Variants in SPOPL observed in about 807,000 individuals in gnomAD.
SPOPL encodes speckle type BTB/POZ protein like, also known as speckle-type POZ protein-like.
A neutral mutation model predicts 53.8 loss-of-function variants in SPOPL; 23 were observed. That is an observed-to-expected ratio of 0.43 (90% CI 0.31 to 0.61). The LOEUF is 0.61. Ranked by LOEUF, SPOPL falls within the 20% of genes least tolerant of loss-of-function variation. The pLI is 0.12. For synonymous variants in SPOPL, 164 were observed against 149.7 expected, an observed-to-expected ratio of 1.10 and a Z score of -0.70; for missense variants, 442 against 466.9, an observed-to-expected ratio of 0.95 and a Z score of 0.49.
At chr2:138,565,378 G>T (rs1052744982) in intron 10 of SPOPL, among the ~76,000 whole-genome samples, 2 of 152,188 alleles carry the variant, frequency 1.3e-5, no homozygotes, top group South Asian at 4.1e-4. Context: ...TTTGAAGGCT[G>T]ACTCACTGCT....
chr2:138,551,336 G>A (rs186050246), intron 4 of SPOPL, among the ~76,000 whole-genome samples: 1 of 152,138 alleles, frequency 6.6e-6, no homozygotes, highest in East Asian at 1.9e-4. Flanking sequence ...AGGGCAAGGT[G>A]CCTGGTTCAG....
At chr2:138,554,066 C>CTTT (rs70978299) in intron 5 of SPOPL, among the ~76,000 whole-genome samples, 6 of 126,640 alleles carry the variant, frequency 4.7e-5, no homozygotes, top group African/African-American at 1.8e-4. Flanking sequence ...TAGAAAATAC[C>CTTT]TTTTTTTTTT....
rs780225458 is a variant in SPOPL at position 138,559,362 on chromosome 2, T to C, written c.714+25T>C. ...GGTAAACATGGCTTAAAGGCTAATA[T>C]TGAATTTATATAAACGTAAAGTAGT... On this transcript the variant is annotated intron_variant, in intron 7 of 10. Coordinates refer to ENST00000280098, the MANE Select transcript of SPOPL (RefSeq NM_001001664.3). The C allele has an allele frequency of 2.3e-5, 36 of 1,589,672 alleles. No individual in the cohort carries two copies. In the Middle Eastern group the frequency reaches 3.0e-3, roughly 133 times the overall value.
Position 138,564,981 on chromosome 2 carries a change from A to G in SPOPL, c.1022A>G (p.Asn341Ser). 1 of 1,614,066 alleles carries G rather than the reference A, an allele frequency of 6.2e-7. No homozygotes were observed. Among genetic ancestry groups the G allele is most frequent in the Non-Finnish European group, 8.5e-7 (1 of 1,180,010 alleles). The change falls in exon 10 of 11, where the codon AAC becomes AGC. Residue 341 changes from asparagine to serine, a missense_variant. Physicochemically the swap from Asn to Ser is conservative, Grantham distance 46. Transcript: ENST00000280098. ...LRQLGCKDGK[N>S]WNSNQATDIM... The stretch of plus-strand genomic sequence containing the variant: ...CAACTTGGGTGTAAAGATGGGAAAA[A>G]CTGGAACAGCAAGTAAGATGACATC...
chr2:138,545,715 A>T (rs556864673), intron 1 of SPOPL, among the ~76,000 whole-genome samples: 103 of 152,238 alleles, frequency 6.8e-4, no homozygotes, highest in Admixed American at 2.4e-3. Flanking sequence ...CTGGGATTAC[A>T]GGCGTGAGCC....
rs945524424 is a variant in SPOPL, at chr2:138,560,721, T to A, written c.715-84T>A. The A allele has an allele frequency of 7.0e-6, 10 of 1,435,770 alleles. No homozygotes were observed. In the African/African-American group the frequency reaches 1.4e-4, roughly 21 times the overall value. The allele number at this position is 1,435,770 out of a possible 1,614,324, so 88.9% of individuals were successfully genotyped here. ...TATTTTAGTGTAGATTTAGGGCTTTTAAATTACTGTCAAAGATTCACTTTG... is the reference window on the plus strand; with the variant it reads ...TATTTTAGTGTAGATTTAGGGCTTTAAAATTACTGTCAAAGATTCACTTTG... On this transcript the variant is annotated intron_variant, in intron 7 of 10. Coordinates refer to ENST00000280098, the MANE Select transcript of SPOPL (RefSeq NM_001001664.3).
At position 138,531,966 on chromosome 2, in the gene SPOPL, A is replaced by G. The variant is rs77225926; in HGVS notation, c.-60-18191A>G. Reference sequence around the variant, plus strand: ...TGTGGGAGCTGATAACTTTTATCCAATCAGGGACTAAAGTGAATCAAGACT... The same window carrying G: ...TGTGGGAGCTGATAACTTTTATCCAGTCAGGGACTAAAGTGAATCAAGACT... On this transcript the variant is annotated intron_variant, in intron 1 of 10. Coordinates refer to ENST00000280098, the MANE Select transcript of SPOPL (RefSeq NM_001001664.3). Among the ~76,000 whole-genome samples the G allele has an allele frequency of 3.8e-3, 584 of 152,282 alleles. 2 individuals are homozygous for G. The highest frequency in any genetic ancestry group is 0.013 in the African/African-American group (548 of 41,562).
chr2:138,540,476 G>A (rs1046062855), intron 1 of SPOPL, among the ~76,000 whole-genome samples: 1 of 152,068 alleles, frequency 6.6e-6, no homozygotes, highest in African/African-American at 2.4e-5. Context: ...CTTGTAAGTT[G>A]GATTCCTAGG....
intron 1 of SPOPL, among the ~76,000 whole-genome samples, chr2:138,523,923 G>A (rs374043090): frequency 3.9e-5 from 6 of 152,226 alleles, no homozygotes; most frequent in African/African-American, 1.4e-4. Context: ...CTACCATTCT[G>A]GGGTCTGGAG....
At chr2:138,517,254 T>C (rs1410755487) in intron 1 of SPOPL, among the ~76,000 whole-genome samples, 1 of 152,162 alleles carries the variant, frequency 6.6e-6, no homozygotes, top group Non-Finnish European at 1.5e-5. Context: ...TATTCTTGAT[T>C]TTTAGAGGTT....
chr2:138,507,753 T>TA (rs1341249529), intron 1 of SPOPL, among the ~76,000 whole-genome samples: 1 of 152,262 alleles, frequency 6.6e-6, no homozygotes, highest in Non-Finnish European at 1.5e-5. Flanking sequence ...TTAATATCCT[T>TA]ACCACCCATA....
rs964941806 is a variant in SPOPL at position 138,555,169 on chromosome 2, T to C, written c.480+2488T>C. ...GTGTGTGTGTGTGTGTGTGTGTGTG[T>C]GCGAGCCAGACTCGCTTTAATAAAC... is the stretch of plus-strand genomic sequence containing the variant. On this transcript the variant is annotated intron_variant, in intron 5 of 10. Coordinates refer to ENST00000280098, the MANE Select transcript of SPOPL (RefSeq NM_001001664.3). 5.8e-3 allele frequency among the ~76,000 whole-genome samples: 833 copies of C among 143,300 alleles called. 9 individuals carry two copies. Among genetic ancestry groups the C allele is most frequent in the African/African-American group, 0.021 (752 of 36,224 alleles). 94.0% of individuals were successfully genotyped at this position (143,300 alleles called of 152,430 possible).
chr2:138,541,880 A>G (rs1010702461), intron 1 of SPOPL, among the ~76,000 whole-genome samples: 5 of 152,142 alleles, frequency 3.3e-5, no homozygotes, highest in Admixed American at 6.5e-5. Context: ...ATTTAGTGCT[A>G]TAAGTTTCCC....
At position 138,569,305 on chromosome 2, in the gene SPOPL, A is replaced by T. The variant is rs574133434; in HGVS notation, c.*225A>T. Reference sequence around the variant, plus strand: ...TCAAGGCCTTAAATTATCTTCAATGACTTGTCTTGTTCATATAATACTTTA... The same window carrying T: ...TCAAGGCCTTAAATTATCTTCAATGTCTTGTCTTGTTCATATAATACTTTA... On this transcript the variant is annotated 3_prime_UTR_variant, in exon 11 of 11. Transcript: ENST00000280098. 2.1e-6 allele frequency: 1 copy of T among 481,224 alleles called. No homozygotes were observed. Among genetic ancestry groups the T allele is most frequent in the Non-Finnish European group, 3.6e-6 (1 of 273,986 alleles). 29.8% of individuals were successfully genotyped at this position (481,224 alleles called of 1,614,324 possible). A position where few individuals can be genotyped will look rare whatever the true frequency, so the allele number is the denominator to read the frequency against.
In SPOPL at chr2:138,561,009, A is replaced by G. The variant is rs1685534426; in HGVS notation, c.837+82A>G. ...AAGCTGTCATCAAATGAAAACTCCA[A>G]ATAACTCGTATTTTGTAGATGGCTC... On this transcript the variant is annotated intron_variant, in intron 8 of 10. Transcript: ENST00000280098. The G allele has an allele frequency of 2.0e-6, 3 of 1,503,736 alleles. No individual in the cohort carries two copies. In the African/African-American group the frequency reaches 4.3e-5, roughly 22 times the overall value. 93.1% of individuals were successfully genotyped at this position (1,503,736 alleles called of 1,614,324 possible).
At chr2:138,559,243 C>A in intron 6 of SPOPL, 39 bp from the exon 7 acceptor site, 2 of 1,609,980 alleles carry the variant, frequency 1.2e-6, no homozygotes, top group South Asian at 1.1e-5. Flanking sequence ...TAAAAAAATG[C>A]ATTTATGCAT....
Position 138,569,779 on chromosome 2 carries a change from G to A in SPOPL, c.*699G>A, listed in dbSNP as rs1685742873. ...GAACTGATTGAGGTTAAGATTTCAT[G>A]AAGAAAGCATGTATTGTGTGGAAGT... On this transcript the variant is annotated 3_prime_UTR_variant, in exon 11 of 11. Transcript: ENST00000280098. The A allele has an allele frequency of 1.3e-5, 2 of 152,568 alleles. No individual in the cohort carries two copies. Among genetic ancestry groups the A allele is most frequent in the African/African-American group, 2.4e-5 (1 of 41,448 alleles). 9.5% of individuals were successfully genotyped at this position (152,568 alleles called of 1,614,324 possible).
chr2:138,519,546 G>A (rs1684512858), intron 1 of SPOPL, among the ~76,000 whole-genome samples: 1 of 152,078 alleles, frequency 6.6e-6, no homozygotes, highest in Non-Finnish European at 1.5e-5. Context: ...ATGAAATATT[G>A]TATGTGAAGA....
In SPOPL at chr2:138,568,975, C is replaced by T. The variant is rs775892674; in HGVS notation, c.1074C>T (p.Ser358=). Residue 358 remains serine (S), a synonymous_variant, in exon 11 of 11, where the codon TCC becomes TCT. Coordinates refer to ENST00000280098, the MANE Select transcript of SPOPL (RefSeq NM_001001664.3). ...TAATGGAAACATCAGGGTGGAAGTC[C>T]ATGATTCAGTCTCACCCTCATTTAG... ...TDIMETSGWK[S]MIQSHPHLVA... The T allele has an allele frequency of 1.2e-6, 2 of 1,613,870 alleles. No homozygotes were observed. The highest frequency in any genetic ancestry group is 2.2e-5 in the East Asian group (1 of 44,880).
Sources: allele counts gnomAD v4.1 joint callset (sites outside exome capture counted in the v4.1 genomes callset), GRCh38; gene constraint gnomAD v4.1.1; transcripts MANE v1.5; gene names NCBI Gene and HGNC (gene_info 2026-07-23, HGNC 2026-07-21).